The following ATP6V0A4 variants were observed in gnomAD, a reference collection of about 807,000 sequenced individuals.
ATP6V0A4 encodes ATPase H+ transporting V0 subunit a4, also known as V-type proton ATPase 116 kDa subunit a 4.
Under a neutral mutation model 107.3 loss-of-function variants are expected in ATP6V0A4, and 86 were observed. The observed-to-expected ratio is 0.80, with a 90% CI of 0.67 to 0.96. The LOEUF (loss-of-function observed/expected upper bound fraction) is 0.96, where lower values mean the gene tolerates loss of function less well. ATP6V0A4 is among the 40% of genes least tolerant of loss of function. ATP6V0A4 has a pLI of 0.00. For missense variants in ATP6V0A4, 908 were observed against 1,045.6 expected, an observed-to-expected ratio of 0.87 and a Z score of 1.81; for synonymous variants, 353 against 381.4, an observed-to-expected ratio of 0.93 and a Z score of 0.87.
intron 1 of ATP6V0A4, among the ~76,000 whole-genome samples, chr7:138,789,545 G>A (rs1050977194): frequency 2.6e-5 from 4 of 151,710 alleles, no homozygotes; most frequent in Non-Finnish European, 5.9e-5. Flanking sequence ...ACCATGCCTG[G>A]CCAGCTTGTT....
intron 17 of ATP6V0A4, among the ~76,000 whole-genome samples, chr7:138,730,935 T>TCTTCTTCTTCTTC (rs1562988453): frequency 6.5e-5 from 9 of 138,584 alleles, no homozygotes; most frequent in African/African-American, 2.8e-4. Context: ...CTTCTTCTTT[T>TCTTCTTCTTCTTC]TTTATTTTTT....
At chr7:138,709,541 C>T (rs1398533659) in intron 21 of ATP6V0A4, 83 bp downstream of exon 21, 24 of 1,348,648 alleles carry the variant, frequency 1.8e-5, no homozygotes, top group East Asian at 9.2e-5. Context: ...ATACAGCTCA[C>T]GATCTGAACC....
At chr7:138,756,023 C>T (rs1806495353) in intron 9 of ATP6V0A4, 1 of 654,326 alleles carries the variant, frequency 1.5e-6, no homozygotes, top group African/African-American at 1.8e-5. Flanking sequence ...ACCATAAAAC[C>T]TGTGAGTTGC....
At position 138,759,822 on chromosome 7, in the gene ATP6V0A4, C is replaced by G. The variant is rs1252350773; in HGVS notation, c.569G>C (p.Trp190Ser). The G allele has an allele frequency of 6.2e-7, 1 of 1,613,998 alleles. No individual in the cohort carries two copies. Among genetic ancestry groups the G allele is most frequent in the Non-Finnish European group, 8.5e-7 (1 of 1,180,036 alleles). ...ERMASFERLL[W>S]RICRGNVYLK... is the part of the protein sequence containing the mutation. ...GTACACGTTTCCTCGGCAGATTCGC[C>G]ACAGTAACCGCTCAAAGGAAGCCAT... The change falls in exon 8 of 22, where the codon TGG becomes TCG. Residue 190 changes from tryptophan (W) to serine (S), a missense_variant. Transcript: ENST00000310018.
chr7:138,786,592 AAG>A (rs1554402932), intron 1 of ATP6V0A4, among the ~76,000 whole-genome samples: 2 of 151,608 alleles, frequency 1.3e-5, no homozygotes, highest in East Asian at 3.9e-4. Flanking sequence ...AAAAAAAAAA[AAG>A]AGAGACAACA....
At chr7:138,708,727 T>A (rs778159177) in intron 21 of ATP6V0A4, among the ~76,000 whole-genome samples, 18 of 152,180 alleles carry the variant, frequency 1.2e-4, no homozygotes, top group African/African-American at 2.4e-4. Context: ...TTTCCACTTT[T>A]GAGATTTTCA....
chr7:138,759,915 AG>A (rs1806714568), intron 7 of ATP6V0A4, 37 bp from the exon 8 acceptor site: 17 of 1,613,684 alleles, frequency 1.1e-5, no homozygotes, highest in Non-Finnish European at 1.4e-5. Flanking sequence ...CTTAAGGCAC[AG>A]GGATTGGGAT....
chr7:138,759,782 C>A lies in ATP6V0A4; in HGVS notation c.609G>T (p.Glu203Asp). Residue 203 changes from glutamate (E) to aspartate (D), a missense_variant, in exon 8 of 22, where the codon GAG becomes GAT. Coordinates refer to ENST00000310018, the MANE Select transcript of ATP6V0A4 (RefSeq NM_020632.3). ...CRGNVYLKFS[E>D]MDAPLEDPVT... ...CAGGATCCTCCAGAGGGGCGTCCAT[C>A]TCACTGAACTTCAAGTACACGTTTC... The A allele has an allele frequency of 1.9e-6, 3 of 1,614,174 alleles. No individual in the cohort carries two copies. Among genetic ancestry groups the A allele is most frequent in the Non-Finnish European group, 2.5e-6 (3 of 1,180,026 alleles).
At chr7:138,731,516 AG>A (rs1805014496) in intron 17 of ATP6V0A4, among the ~76,000 whole-genome samples, 1 of 152,148 alleles carries the variant, frequency 6.6e-6, no homozygotes, top group Non-Finnish European at 1.5e-5. Context: ...AGGGGGAAAA[AG>A]CTACTGTTAT....
chr7:138,785,023 C>CA (rs1808115273), intron 2 of ATP6V0A4, among the ~76,000 whole-genome samples: 1 of 152,160 alleles, frequency 6.6e-6, no homozygotes, highest in Non-Finnish European at 1.5e-5. Context: ...CACACAATCA[C>CA]ATGTTCAGTG....
At chr7:138,790,228 T>C (rs556260402) in intron 1 of ATP6V0A4, among the ~76,000 whole-genome samples, 4 of 152,204 alleles carry the variant, frequency 2.6e-5, no homozygotes, top group Non-Finnish European at 5.9e-5. Flanking sequence ...CTTTTCTGTT[T>C]TGTATACTAT....
At chr7:138,742,456 A>C (rs1474883973) in intron 14 of ATP6V0A4, among the ~76,000 whole-genome samples, 2 of 152,180 alleles carry the variant, frequency 1.3e-5, no homozygotes, top group Non-Finnish European at 2.9e-5. Context: ...TAAAAAAATA[A>C]AACTCATCTC....
rs558396664 is a variant in ATP6V0A4, at chr7:138,793,667, G to T, written c.-121+4367C>A. Among the ~76,000 whole-genome samples the T allele has an allele frequency of 9.2e-5, 14 of 152,196 alleles. No individual in the cohort carries two copies. In the South Asian group the frequency reaches 2.5e-3, roughly 27 times the overall value. On this transcript the variant is annotated intron_variant, in intron 1 of 21. Transcript: ENST00000310018. The stretch of plus-strand genomic sequence containing the variant: ...AAATAGAAATCATCAAAGTATATTC[G>T]CAGGTCACAGTGCAACTAAGCTACA...
chr7:138,732,918 T>C lies in ATP6V0A4; in HGVS notation c.1867A>G (p.Asn623Asp). ...LIHFINMFLF[N>D]YSDSSNAPLY... ...GGTGCGTTGGAAGAGTCACTGTAGT[T>C]AAACAGAAACATGTTGATGAAGTGG... The change falls in exon 17 of 22, where the codon AAC (asparagine) becomes GAC (aspartate). Residue 623 changes from asparagine (N) to aspartate (D), a missense_variant. Transcript: ENST00000310018. 2.5e-6 allele frequency: 4 copies of C among 1,613,084 alleles called. No individual in the cohort carries two copies. The highest frequency in any genetic ancestry group is 3.4e-6 in the Non-Finnish European group (4 of 1,179,734).
At chr7:138,788,006 G>T (rs148730314) in intron 1 of ATP6V0A4, among the ~76,000 whole-genome samples, 1 of 151,704 alleles carries the variant, frequency 6.6e-6, no homozygotes, top group African/African-American at 2.4e-5. Context: ...TCTTAAAAAC[G>T]GAAAAAGAAA....
intron 12 of ATP6V0A4, 53 bp downstream of exon 12, chr7:138,749,114 T>C: frequency 6.2e-7 from 1 of 1,608,434 alleles, no homozygotes; most frequent in South Asian, 1.1e-5. Context: ...GGGGTCCATC[T>C]TACCAGTTTT....
chr7:138,791,018 T>C (rs1383015582), intron 1 of ATP6V0A4, among the ~76,000 whole-genome samples: 3 of 151,806 alleles, frequency 2.0e-5, no homozygotes, highest in Non-Finnish European at 2.9e-5. Flanking sequence ...GCAGAAATAA[T>C]AGACAATGGA....
chr7:138,728,062 T>C (rs998564221), intron 18 of ATP6V0A4, among the ~76,000 whole-genome samples: 1 of 152,120 alleles, frequency 6.6e-6, no homozygotes, highest in Non-Finnish European at 1.5e-5. Flanking sequence ...CTTTAGAATA[T>C]TAATGAAAAA....
intron 20 of ATP6V0A4, among the ~76,000 whole-genome samples, chr7:138,711,277 C>T (rs961978791): frequency 5.3e-5 from 8 of 152,144 alleles, no homozygotes; most frequent in African/African-American, 1.9e-4. Context: ...AACCCGGACT[C>T]GTAGCTGAGC....
Sources: allele counts gnomAD v4.1 joint callset (sites outside exome capture counted in the v4.1 genomes callset), GRCh38; gene constraint gnomAD v4.1.1; transcripts MANE v1.5; gene names NCBI Gene and HGNC (gene_info 2026-07-23, HGNC 2026-07-21).